The following CETN3 variants were observed in gnomAD, a reference collection of about 807,000 sequenced individuals.
CETN3 encodes the protein centrin-3.
In CETN3, 17 loss-of-function variants were observed where a neutral mutation model predicts 20.1. The ratio of observed to expected loss-of-function variants is 0.85; its 90% CI spans 0.58 to 1.27. The LOEUF is 1.27. CETN3 is among the 50% of genes most tolerant of loss of function. The pLI is 0.00. For synonymous variants in CETN3, 52 were observed against 59.7 expected (o/e 0.87, Z 0.59); for missense variants, 169 against 191.2 (o/e 0.88, Z 0.69).
chr5:90,403,573 T>TA (rs560945436), intron 3 of CETN3, among the ~76,000 whole-genome samples: 153 of 152,262 alleles, frequency 1.0e-3, no homozygotes, highest in African/African-American at 3.6e-3. Flanking sequence ...CAACTGCCAA[T>TA]AAAAATCACA....
chr5:90,408,054 G>T (rs559690131), intron 1 of CETN3, among the ~76,000 whole-genome samples: 1 of 152,070 alleles, frequency 6.6e-6, no homozygotes, highest in Non-Finnish European at 1.5e-5. Flanking sequence ...TAAAAGAAAT[G>T]AGGACCAAAC....
At chr5:90,402,533 TACTC>T (rs1247130404) in intron 3 of CETN3, among the ~76,000 whole-genome samples, 1 of 152,198 alleles carries the variant, frequency 6.6e-6, no homozygotes, top group African/African-American at 2.4e-5. Context: ...AATGAAATCT[TACTC>T]ACATTTCCAA....
intron 3 of CETN3, among the ~76,000 whole-genome samples, chr5:90,401,208 C>T (rs573133325): frequency 8.5e-5 from 13 of 152,226 alleles, no homozygotes; most frequent in East Asian, 1.9e-4. Flanking sequence ...CAATATTCTT[C>T]CTTAAAATGC....
rs973762193 is a variant in CETN3, at chr5:90,409,754, G to C, written c.-93C>G. The C allele has an allele frequency of 7.0e-5, 102 of 1,455,024 alleles. No individual in the cohort carries two copies. The highest frequency in any genetic ancestry group is 9.5e-5 in the Non-Finnish European group (98 of 1,036,732). 90.1% of individuals were successfully genotyped at this position (1,455,024 alleles called of 1,614,324 possible). On this transcript the variant is annotated 5_prime_UTR_variant, in exon 1 of 5. Coordinates refer to ENST00000283122, the MANE Select transcript of CETN3 (RefSeq NM_004365.4). ...CCACAGCCGTTCAACAGACACGAACGACCTCAGCGGCCTCAGGGACCTCCC... is the reference window on the plus strand; with the variant it reads ...CCACAGCCGTTCAACAGACACGAACCACCTCAGCGGCCTCAGGGACCTCCC...
chr5:90,406,835 G>A (rs1173225568), intron 2 of CETN3, among the ~76,000 whole-genome samples: 2 of 82,168 alleles, frequency 2.4e-5, no homozygotes, highest in African/African-American at 4.1e-5. Flanking sequence ...TCAAATCTGG[G>A]TAACCAAAAA....
At chr5:90,403,794 C>T (rs1191184438) in intron 3 of CETN3, among the ~76,000 whole-genome samples, 1 of 141,344 alleles carries the variant, frequency 7.1e-6, no homozygotes, top group Non-Finnish European at 1.5e-5. Flanking sequence ...TGGCGTGAAC[C>T]CGGGAGGCGG....
At position 90,394,374 on chromosome 5, in the gene CETN3, C is replaced by T. The variant is rs567874773; in HGVS notation, c.461-267G>A. ...TTAACTGGGGAAAAGATAATGTTACCAAAAAAGTCAATCACAGTCATATTT... is the reference window on the plus strand; with the variant it reads ...TTAACTGGGGAAAAGATAATGTTACTAAAAAAGTCAATCACAGTCATATTT... On this transcript the variant is annotated intron_variant, in intron 4 of 4. Coordinates refer to ENST00000283122, the MANE Select transcript of CETN3 (RefSeq NM_004365.4). Among the ~76,000 whole-genome samples the T allele has an allele frequency of 2.6e-5, 4 of 151,690 alleles. No individual in the cohort carries two copies. The East Asian group carries it at 5.8e-4, about 22-fold the overall frequency.
At chr5:90,407,861 A>G (rs1337891141) in intron 1 of CETN3, 27 bp from the exon 2 acceptor site, 1 of 1,537,522 alleles carries the variant, frequency 6.5e-7, no homozygotes, top group Non-Finnish European at 8.7e-7. Flanking sequence ...AAAAGCCCTT[A>G]GTCCACTTTA....
At chr5:90,394,631 G>C (rs570223946) in intron 4 of CETN3, among the ~76,000 whole-genome samples, 2 of 151,764 alleles carry the variant, frequency 1.3e-5, no homozygotes, top group Admixed American at 6.6e-5. Context: ...CTATGTTAAA[G>C]AATAATTAAA....
At chr5:90,397,923 T>C (rs1749174163) in intron 4 of CETN3, among the ~76,000 whole-genome samples, 1 of 152,174 alleles carries the variant, frequency 6.6e-6, no homozygotes, top group Non-Finnish European at 1.5e-5. Flanking sequence ...TTAATGCTAA[T>C]ATCCAATATA....
At chr5:90,402,882 A>G (rs1427413486) in intron 3 of CETN3, among the ~76,000 whole-genome samples, 1 of 152,226 alleles carries the variant, frequency 6.6e-6, no homozygotes, top group African/African-American at 2.4e-5. Flanking sequence ...CTTTTAATTA[A>G]GTCTTCTTCC....
chr5:90,405,433 T>C (rs1749409779), intron 3 of CETN3: 1 of 443,432 alleles, frequency 2.3e-6, no homozygotes, highest in Non-Finnish European at 3.9e-6. Flanking sequence ...CATCTTTCTA[T>C]AAAAAGCTAC....
intron 3 of CETN3, among the ~76,000 whole-genome samples, chr5:90,400,606 C>G (rs1161851012): frequency 7.7e-6 from 1 of 130,062 alleles, no homozygotes; most frequent in Non-Finnish European, 1.6e-5. Flanking sequence ...AAAAAAAAAG[C>G]AACTGCTTAT....
chr5:90,399,572 T>C, intron 3 of CETN3, 23 bp from the exon 4 acceptor site: 1 of 1,568,412 alleles, frequency 6.4e-7, no homozygotes, highest in Middle Eastern at 1.7e-4. Context: ...AACATATATA[T>C]TTTAATAAAC....
chr5:90,409,748 A>C lies in CETN3; in HGVS notation c.-87T>G, dbSNP rs1392780965. 2 of 1,506,714 alleles carry C rather than the reference A, an allele frequency of 1.3e-6. No homozygotes were observed. The highest frequency in any genetic ancestry group is 1.4e-5 in the African/African-American group (1 of 72,884). 93.3% of individuals were successfully genotyped at this position (1,506,714 alleles called of 1,614,324 possible). A position where few individuals can be genotyped will look rare whatever the true frequency, so the allele number is the denominator to read the frequency against. ...AGACGCCCACAGCCGTTCAACAGAC[A>C]CGAACGACCTCAGCGGCCTCAGGGA... is the stretch of plus-strand genomic sequence containing the variant. On this transcript the variant is annotated 5_prime_UTR_variant, in exon 1 of 5. Coordinates refer to ENST00000283122, the MANE Select transcript of CETN3 (RefSeq NM_004365.4).
Position 90,399,487 on chromosome 5 carries a change from C to T in CETN3, c.331G>A (p.Asp111Asn). The T allele has an allele frequency of 6.2e-7, 1 of 1,613,770 alleles. No homozygotes were observed. The highest frequency in any genetic ancestry group is 8.5e-7 in the Non-Finnish European group (1 of 1,179,830). ...EEILKAFKLF[D>N]DDDSGKISLR... is the part of the protein sequence containing the mutation. ...CTTATTTTACCTGAATCATCATCATCAAATAGTTTAAATGCCTTGAGTATT... is the reference window on the plus strand; with the variant it reads ...CTTATTTTACCTGAATCATCATCATTAAATAGTTTAAATGCCTTGAGTATT... The change falls in exon 4 of 5, where the codon GAT (aspartate) becomes AAT (asparagine). Residue 111 changes from aspartate (D) to asparagine (N), a missense_variant. Asp to Asn is a conservative substitution (Grantham distance 23, BLOSUM62 1). Transcript: ENST00000283122.
intron 3 of CETN3, among the ~76,000 whole-genome samples, chr5:90,401,097 A>T (rs1294683958): frequency 6.6e-6 from 1 of 152,180 alleles, no homozygotes; most frequent in Admixed American, 6.5e-5. Flanking sequence ...CAACAGGGTG[A>T]TTGGGGAACA....
intron 4 of CETN3, chr5:90,396,639 C>T (rs1749143251): frequency 1.0e-6 from 1 of 1,001,322 alleles, no homozygotes; most frequent in South Asian, 2.4e-5. Flanking sequence ...GTAATACATC[C>T]ATGATTAAAA....
chr5:90,403,314 G>C (rs79960008), intron 3 of CETN3, among the ~76,000 whole-genome samples: 2,036 of 152,198 alleles, frequency 0.013, 34 homozygotes, highest in African/African-American at 0.047. Context: ...AACAAAAGGG[G>C]TAATACATAG....
Sources: gnomAD v4.1 joint callset for allele counts (sites outside exome capture counted in the v4.1 genomes callset) on GRCh38, gnomAD v4.1.1 for gene constraint, MANE v1.5 for transcripts, NCBI Gene and HGNC (gene_info 2026-07-23, HGNC 2026-07-21) for gene names.